PHC2: variants seen among roughly 807,000 people sequenced by gnomAD.
PHC2 encodes polyhomeotic-like protein 2.
Under a neutral mutation model 87.4 loss-of-function variants are expected in PHC2, and 29 were observed. The observed-to-expected ratio is 0.33, with a 90% confidence interval of 0.25 to 0.45. PHC2 has a LOEUF of 0.45. Ranked by LOEUF, PHC2 falls within the 20% of genes least tolerant of loss-of-function variation. The probability of loss-of-function intolerance (pLI) is 1.00; values close to 1 mark genes in which losing one functional copy is unlikely to be tolerated. For missense variants in PHC2, 857 were observed against 1,136.7 expected (o/e 0.75, Z 3.54); for synonymous variants, 438 against 461.7 (o/e 0.95, Z 0.66).
At chr1:33,392,101 C>A (rs1272141944) in intron 1 of PHC2, among the ~76,000 whole-genome samples, 1 of 152,188 alleles carries the variant, frequency 6.6e-6, no homozygotes, top group Non-Finnish European at 1.5e-5. Context: ...CAGGGCTCTG[C>A]ACACTGTTAT....
At chr1:33,354,336 G>A (rs964420938) in intron 9 of PHC2, 65 bp downstream of exon 9, 47 of 1,448,728 alleles carry the variant, frequency 3.2e-5, no homozygotes, top group Non-Finnish European at 4.2e-5. Context: ...CAAGTGAAAT[G>A]TGCCAGGGCA....
At chr1:33,387,420 G>C (rs1301412701) in intron 1 of PHC2, among the ~76,000 whole-genome samples, 3 of 152,198 alleles carry the variant, frequency 2.0e-5, no homozygotes, top group African/African-American at 7.2e-5. Context: ...ATATTCTAAA[G>C]AGAGACTGCC....
intron 1 of PHC2, among the ~76,000 whole-genome samples, chr1:33,424,227 G>T (rs550764349): frequency 6.6e-6 from 1 of 152,106 alleles, no homozygotes; most frequent in Non-Finnish European, 1.5e-5. Flanking sequence ...TTTCCAGATG[G>T]TTCCTTAAAA....
chr1:33,424,570 A>T (rs1423026907), intron 1 of PHC2, among the ~76,000 whole-genome samples: 1 of 152,240 alleles, frequency 6.6e-6, no homozygotes, highest in African/African-American at 2.4e-5. Flanking sequence ...ATAGACTCAC[A>T]AAATTTTAGA....
intron 1 of PHC2, among the ~76,000 whole-genome samples, chr1:33,399,292 T>C (rs973483044): frequency 2.0e-5 from 3 of 152,126 alleles, no homozygotes; most frequent in Non-Finnish European, 2.9e-5. Flanking sequence ...ACACAGCAGG[T>C]ACCCTACAAA....
chr1:33,338,143 G>T (rs1646675839), intron 9 of PHC2, among the ~76,000 whole-genome samples: 1 of 152,110 alleles, frequency 6.6e-6, no homozygotes, highest in Admixed American at 6.5e-5. Context: ...GCCTATTAAT[G>T]TTCACTGCAA....
chr1:33,329,674 C>T (rs1364035061), intron 13 of PHC2, among the ~76,000 whole-genome samples: 1 of 152,140 alleles, frequency 6.6e-6, no homozygotes, highest in Non-Finnish European at 1.5e-5. Flanking sequence ...TTCAAGAACT[C>T]TGTGCTCGCG....
chr1:33,334,349 C>T lies in PHC2; in HGVS notation c.1559-57G>A. On this transcript the variant is annotated intron_variant, in intron 9 of 14. Coordinates refer to ENST00000683057, the MANE Select transcript of PHC2 (RefSeq NM_001385109.1). The surrounding 1 kb of genome is among the most constrained non-coding windows in gnomAD (Gnocchi z 5.5). ...GGGAGATCAGAACCAGAGTCCACGC[C>T]CAGGGAGGGACAGCAAGGACTCAAA... 6.6e-7 allele frequency: 1 copy of T among 1,515,486 alleles called. No individual in the cohort carries two copies. Among genetic ancestry groups the T allele is most frequent in the Non-Finnish European group, 9.1e-7 (1 of 1,099,642 alleles). The allele number at this position is 1,515,486 out of a possible 1,614,324, so 93.9% of individuals were successfully genotyped here. A position where few individuals can be genotyped will look rare whatever the true frequency, so the allele number is the denominator to read the frequency against.
Position 33,363,674 on chromosome 1 carries a change from A to G in PHC2, c.976+3442T>C, listed in dbSNP as rs994375237. The G allele has an allele frequency of 4.5e-6, 4 of 887,770 alleles. No individual in the cohort carries two copies. The Admixed American group carries it at 1.9e-4, about 41-fold the overall frequency. The allele number at this position is 887,770 out of a possible 1,614,324, so 55.0% of individuals were successfully genotyped here. ...TGGGTGAAAGGGCCCTGGCTTTTCA[A>G]CAACCCGACAGTTCCCTTTTATCAC... On this transcript the variant is annotated intron_variant, in intron 7 of 14. Coordinates refer to ENST00000683057, the MANE Select transcript of PHC2 (RefSeq NM_001385109.1).
intron 2 of PHC2, among the ~76,000 whole-genome samples, chr1:33,372,689 G>T (rs1053360314): frequency 1.3e-5 from 2 of 151,974 alleles, no homozygotes; most frequent in Non-Finnish European, 2.9e-5. Context: ...TCCCCAGCAC[G>T]GCCTGCTCCT....
intron 1 of PHC2, among the ~76,000 whole-genome samples, chr1:33,408,985 G>A (rs1649877875): frequency 6.6e-6 from 1 of 152,132 alleles, no homozygotes; most frequent in Non-Finnish European, 1.5e-5. Context: ...TTTACATGAA[G>A]TTTGAGAACT....
chr1:33,415,539 G>T (rs1254710585), intron 1 of PHC2, among the ~76,000 whole-genome samples: 3 of 151,974 alleles, frequency 2.0e-5, no homozygotes, highest in Admixed American at 6.6e-5. Context: ...CAAAATAAAA[G>T]CCAACACTAA....
In PHC2 at chr1:33,370,689, C is replaced by T. The variant is rs1647773583; in HGVS notation, c.412-104G>A. ...CCCCTCTTTTGCTCCTTGGTTTATT[C>T]AGCCTCCTTCAGGAACGTCTGTGGT... is the stretch of plus-strand genomic sequence containing the variant. On this transcript the variant is annotated intron_variant, in intron 4 of 14. Transcript: ENST00000683057. The T allele has an allele frequency of 1.4e-5, 15 of 1,108,784 alleles. No homozygotes were observed. The South Asian group carries it at 2.3e-4, about 17-fold the overall frequency. The allele number at this position is 1,108,784 out of a possible 1,614,324, so 68.7% of individuals were successfully genotyped here.
At chr1:33,418,417 G>T (rs1190830432) in intron 1 of PHC2, among the ~76,000 whole-genome samples, 1 of 152,000 alleles carries the variant, frequency 6.6e-6, no homozygotes, top group Non-Finnish European at 1.5e-5. Context: ...AGGAATGAAA[G>T]AAATCTTATA....
At chr1:33,335,900 G>T (rs1229203325) in intron 9 of PHC2, among the ~76,000 whole-genome samples, 1 of 142,984 alleles carries the variant, frequency 7.0e-6, no homozygotes, top group Admixed American at 6.8e-5. Context: ...ACTCTATCTT[G>T]GGGGGGGAGG....
At chr1:33,360,189 C>T (rs1439812892) in intron 7 of PHC2, among the ~76,000 whole-genome samples, 1 of 152,214 alleles carries the variant, frequency 6.6e-6, no homozygotes, top group Non-Finnish European at 1.5e-5. Flanking sequence ...ACTTGCAAAA[C>T]GGTGTTGGGT....
chr1:33,384,211 C>T (rs1648629768), intron 1 of PHC2, among the ~76,000 whole-genome samples: 1 of 152,198 alleles, frequency 6.6e-6, no homozygotes. Flanking sequence ...TTTTCAGGCA[C>T]CACTTCAGAC....
At chr1:33,384,538 A>G (rs1309301402) in intron 1 of PHC2, among the ~76,000 whole-genome samples, 1 of 152,178 alleles carries the variant, frequency 6.6e-6, no homozygotes, top group African/African-American at 2.4e-5. Context: ...GTTTCTCTCC[A>G]GCTTCATTGC....
Position 33,354,382 on chromosome 1 carries a change from GC to G in PHC2, c.1558+18del, listed in dbSNP as rs1647028197. ...GGCCAACTTCCTCCCCTCCCCCAGGGCCCCACTGTGCTTCATACCGTGAGCT... is the reference window on the plus strand; with the variant it reads ...GGCCAACTTCCTCCCCTCCCCCAGGGCCCACTGTGCTTCATACCGTGAGCT... On this transcript the variant is annotated intron_variant, in intron 9 of 14. Transcript: ENST00000683057. 1.3e-6 allele frequency: 2 copies of G among 1,598,722 alleles called. No individual in the cohort carries two copies. Among genetic ancestry groups the G allele is most frequent in the African/African-American group, 1.3e-5 (1 of 74,504 alleles).
Sources: gnomAD v4.1 joint callset for allele counts (sites outside exome capture counted in the v4.1 genomes callset) on GRCh38, gnomAD v4.1.1 for gene constraint, Gnocchi (gnomAD v3.1) non-coding constraint, MANE v1.5 for transcripts, NCBI Gene and HGNC (gene_info 2026-07-23, HGNC 2026-07-21) for gene names.